Variants in XYLT1 observed in about 807,000 individuals in gnomAD.
XYLT1 encodes xylosyltransferase 1.
Under a neutral mutation model 91.3 loss-of-function variants are expected in XYLT1, and 36 were observed. The ratio of observed to expected loss-of-function variants is 0.39; its 90% CI spans 0.30 to 0.52. The LOEUF is 0.52. Among genes scored for constraint, XYLT1 ranks in the 20% least tolerant of loss-of-function variants. The pLI is 0.68. For synonymous variants in XYLT1, 588 were observed against 532.0 expected (o/e 1.11, Z -1.45); for missense variants, 1,242 against 1,284.5 (o/e 0.97, Z 0.51).
intron 2 of XYLT1, among the ~76,000 whole-genome samples, chr16:17,316,419 G>T (rs2034633545): frequency 1.3e-5 from 2 of 152,002 alleles, no homozygotes; most frequent in African/African-American, 4.8e-5. Flanking sequence ...TTATTTTTGA[G>T]ACAGTCTCTC....
intron 2 of XYLT1, among the ~76,000 whole-genome samples, chr16:17,316,953 G>A (rs2034643585): frequency 6.6e-6 from 1 of 151,572 alleles, no homozygotes; most frequent in Non-Finnish European, 1.5e-5. Context: ...CTCCCGAGTA[G>A]CTGGGACTAC....
At chr16:17,454,322 A>G (rs2036706383) in intron 1 of XYLT1, among the ~76,000 whole-genome samples, 1 of 152,196 alleles carries the variant, frequency 6.6e-6, no homozygotes, top group South Asian at 2.1e-4. Flanking sequence ...CAATGAAATA[A>G]TGCAAATGAA....
At position 17,138,338 on chromosome 16, in the gene XYLT1, C is replaced by T; in HGVS notation, c.1764+17G>A. The T allele has an allele frequency of 6.2e-7, 1 of 1,603,432 alleles. No individual in the cohort carries two copies. The highest frequency in any genetic ancestry group is 8.5e-7 in the Non-Finnish European group (1 of 1,171,860). On this transcript the variant is annotated intron_variant, in intron 8 of 11. Transcript: ENST00000261381. ...AGGCATCACTTAGGAGGCTGGCAGA[C>T]CATGAGAAAGTCTCACCTGGAAGCG...
At chr16:17,172,106 G>C (rs1378894727) in intron 5 of XYLT1, among the ~76,000 whole-genome samples, 1 of 152,160 alleles carries the variant, frequency 6.6e-6, no homozygotes, top group African/African-American at 2.4e-5. Flanking sequence ...GTTAGCATGG[G>C]TACTCGGTGT....
intron 2 of XYLT1, among the ~76,000 whole-genome samples, chr16:17,352,092 G>C (rs2035229755): frequency 6.6e-6 from 1 of 152,168 alleles, no homozygotes; most frequent in Admixed American, 6.6e-5. Flanking sequence ...TGCACTTCCA[G>C]CCTGGTTGAC....
At chr16:17,234,281 T>C (rs1051735345) in intron 3 of XYLT1, among the ~76,000 whole-genome samples, 4 of 152,148 alleles carry the variant, frequency 2.6e-5, no homozygotes, top group African/African-American at 9.7e-5. Flanking sequence ...CTTCCAACTC[T>C]AGATGTTTCA....
At chr16:17,357,232 C>T (rs192156054) in intron 2 of XYLT1, among the ~76,000 whole-genome samples, 8 of 150,992 alleles carry the variant, frequency 5.3e-5, no homozygotes, top group Admixed American at 6.6e-5. Flanking sequence ...GCACGTACCC[C>T]GGACTTTATA....
chr16:17,158,799 T>C (rs1379106133), intron 6 of XYLT1, 30 bp downstream of exon 6: 2 of 1,609,284 alleles, frequency 1.2e-6, no homozygotes, highest in Non-Finnish European at 1.7e-6. Flanking sequence ...TCATTTCCAT[T>C]TTGTACAGGG....
At chr16:17,256,008 AAAAAC>A (rs766114820) in intron 3 of XYLT1, among the ~76,000 whole-genome samples, 6 of 152,216 alleles carry the variant, frequency 3.9e-5, no homozygotes, top group African/African-American at 1.2e-4. Flanking sequence ...ACTGTCTCAA[AAAAAC>A]AAAACAAAAC....
Position 17,324,054 on chromosome 16 carries a change from C to G in XYLT1, c.402+33958G>C, listed in dbSNP as rs566384087. On this transcript the variant is annotated intron_variant, in intron 2 of 11. Transcript: ENST00000261381. ...AGAAAGCTCATTTGTTTTAGACAGG[C>G]ACACTCTGAGACCCCAGCTCAGGTC... 2.0e-5 allele frequency among the ~76,000 whole-genome samples: 3 copies of G among 152,268 alleles called. No homozygotes were observed. In the East Asian group the frequency reaches 5.8e-4, roughly 29 times the overall value.
chr16:17,457,368 A>G (rs1196000358), intron 1 of XYLT1, among the ~76,000 whole-genome samples: 1 of 152,208 alleles, frequency 6.6e-6, no homozygotes. Context: ...TCACTCCAAT[A>G]AACAGTCAGT....
At chr16:17,267,209 A>G (rs147950769) in intron 2 of XYLT1, among the ~76,000 whole-genome samples, 2,787 of 152,302 alleles carry the variant, frequency 0.018, 101 homozygotes, top group Admixed American at 0.1. Context: ...TCAGAGCCTC[A>G]TTTTTCTCAT....
chr16:17,239,197 A>AATTCATCCATACATCCATCC (rs2033297003), intron 3 of XYLT1, among the ~76,000 whole-genome samples: 7 of 147,354 alleles, frequency 4.8e-5, no homozygotes, highest in African/African-American at 1.7e-4. Flanking sequence ...GGACCCCTGT[A>AATTCATCCATACATCCATCC]ATTCATCCAT....
At chr16:17,229,648 A>C (rs555692753) in intron 3 of XYLT1, among the ~76,000 whole-genome samples, 3 of 152,154 alleles carry the variant, frequency 2.0e-5, no homozygotes, top group Non-Finnish European at 4.4e-5. Context: ...TCATTTTACC[A>C]TGGGGAATGC....
intron 6 of XYLT1, among the ~76,000 whole-genome samples, chr16:17,151,825 GA>G (rs2141533012): frequency 1.3e-5 from 2 of 152,264 alleles, no homozygotes; most frequent in East Asian, 3.9e-4. Context: ...TACCACTTCT[GA>G]CCTGGGGCTG....
At chr16:17,366,939 T>A (rs941867934) in intron 1 of XYLT1, among the ~76,000 whole-genome samples, 1 of 152,132 alleles carries the variant, frequency 6.6e-6, no homozygotes, top group Admixed American at 6.6e-5. Context: ...TTCCTGGTTC[T>A]ATCAGCATCT....
intron 6 of XYLT1, among the ~76,000 whole-genome samples, chr16:17,146,196 T>C (rs1294152513): frequency 6.6e-6 from 1 of 152,228 alleles, no homozygotes; most frequent in East Asian, 1.9e-4. Context: ...ATTTCTTTTC[T>C]GCATGAGCAG....
At chr16:17,140,971 C>T (rs898956199) in intron 7 of XYLT1, among the ~76,000 whole-genome samples, 182 bp downstream of exon 7, 14 of 152,342 alleles carry the variant, frequency 9.2e-5, no homozygotes, top group Middle Eastern at 3.4e-3. Context: ...GTCTACTCCA[C>T]GCAGCCTCTG....
At chr16:17,139,395 G>C (rs945130680) in intron 7 of XYLT1, among the ~76,000 whole-genome samples, 1 of 152,174 alleles carries the variant, frequency 6.6e-6, no homozygotes, top group South Asian at 2.1e-4. Context: ...GGACTGAACA[G>C]AGACCCTGGA....
Sources: allele counts gnomAD v4.1 joint callset (sites outside exome capture counted in the v4.1 genomes callset), GRCh38; gene constraint gnomAD v4.1.1; transcripts MANE v1.5; gene names NCBI Gene and HGNC (gene_info 2026-07-23, HGNC 2026-07-21).